Variants in DTNB observed in about 807,000 individuals in gnomAD.
The protein encoded by DTNB is dystrobrevin beta.
DTNB carries 63 observed loss-of-function variants against 90.7 expected under a neutral mutation model. The ratio of observed to expected loss-of-function variants is 0.69; its 90% CI spans 0.57 to 0.86. DTNB has a LOEUF of 0.86. DTNB is among the 40% of genes least tolerant of loss of function. DTNB has a pLI of 0.00. For missense variants in DTNB, 744 were observed against 807.1 expected (o/e 0.92, Z 0.95); for synonymous variants, 277 against 286.7 (o/e 0.97, Z 0.34).
chr2:25,578,857 T>C (rs1191122264), intron 7 of DTNB, among the ~76,000 whole-genome samples: 1 of 152,112 alleles, frequency 6.6e-6, no homozygotes, highest in Non-Finnish European at 1.5e-5. Context: ...ATGAACTTCA[T>C]AGAGCCCAAA....
At chr2:25,415,404 GCCT>G (rs529040209) in intron 16 of DTNB, among the ~76,000 whole-genome samples, 2,294 of 152,024 alleles carry the variant, frequency 0.015, 60 homozygotes, top group African/African-American at 0.05. Flanking sequence ...ATGCTACCAT[GCCT>G]GGCTAATTTT....
intron 12 of DTNB, among the ~76,000 whole-genome samples, chr2:25,449,447 C>A (rs2058938299): frequency 6.6e-6 from 1 of 152,184 alleles, no homozygotes; most frequent in South Asian, 2.1e-4. Context: ...CCGCCAACAA[C>A]AGGGTGAGAT....
intron 9 of DTNB, among the ~76,000 whole-genome samples, chr2:25,516,845 C>T (rs1046456471): frequency 2.0e-5 from 3 of 151,902 alleles, no homozygotes; most frequent in Non-Finnish European, 4.4e-5. Flanking sequence ...AGCCAAAGAC[C>T]GTGCCATTGC....
In DTNB at chr2:25,626,462, A is replaced by G. The variant is rs2074178258; in HGVS notation, c.362+1709T>C. ...GGACTTATGACACTTACACACTCTT[A>G]TTTTTAAAATTCAGATTTCTGCCGG... On this transcript the variant is annotated intron_variant, in intron 4 of 20. Coordinates refer to ENST00000406818, the MANE Select transcript of DTNB (RefSeq NM_021907.5). Among the ~76,000 whole-genome samples the G allele has an allele frequency of 4.6e-5, 7 of 152,256 alleles. 1 individual carries two copies. In the South Asian group the frequency reaches 1.5e-3, roughly 32 times the overall value.
intron 8 of DTNB, among the ~76,000 whole-genome samples, chr2:25,540,110 T>C (rs1350087170): frequency 6.6e-6 from 1 of 152,198 alleles, no homozygotes; most frequent in Non-Finnish European, 1.5e-5. Context: ...TTCTTTAGGG[T>C]TGTGTTCACT....
Position 25,427,559 on chromosome 2 carries a change from C to T in DTNB, c.1530G>A (p.Leu510=). 1.2e-6 allele frequency: 2 copies of T among 1,613,832 alleles called. No individual in the cohort carries two copies. The highest frequency in any genetic ancestry group is 1.7e-6 in the Non-Finnish European group (2 of 1,179,822). The change falls in exon 15 of 21, where the codon CTG becomes CTA. Residue 510 remains leucine (L), a synonymous_variant. Coordinates refer to ENST00000406818, the MANE Select transcript of DTNB (RefSeq NM_021907.5). ...QESRRELMVQ[L]EELMKLLKEE... ...CCTTCAGCAACTTCATCAGCTCTTC[C>T]AGCTGGACCATCAGCTCCCGCCTGC...
intron 10 of DTNB, among the ~76,000 whole-genome samples, chr2:25,478,957 G>C: frequency 6.6e-6 from 1 of 152,236 alleles, no homozygotes; most frequent in East Asian, 1.9e-4. Context: ...GCTCGGAGAA[G>C]GAGGGCCGCC....
intron 1 of DTNB, among the ~76,000 whole-genome samples, chr2:25,654,933 C>G (rs1189558431): frequency 6.6e-6 from 1 of 152,148 alleles, no homozygotes; most frequent in Admixed American, 6.5e-5. Flanking sequence ...TCAGTGTTCC[C>G]TAAGTGTTAG....
At chr2:25,478,189 G>A (rs2064128678) in intron 10 of DTNB, among the ~76,000 whole-genome samples, 1 of 152,096 alleles carries the variant, frequency 6.6e-6, no homozygotes, top group Non-Finnish European at 1.5e-5. Context: ...GTGTGTGTGA[G>A]TGTTTAAAAT....
At chr2:25,664,242 T>C (rs961190003) in intron 1 of DTNB, among the ~76,000 whole-genome samples, 5 of 152,224 alleles carry the variant, frequency 3.3e-5, no homozygotes, top group Non-Finnish European at 7.3e-5. Flanking sequence ...GACAAGTTCA[T>C]AATATAAATA....
chr2:25,446,754 C>T (rs543421049), intron 12 of DTNB, among the ~76,000 whole-genome samples: 14 of 152,164 alleles, frequency 9.2e-5, no homozygotes, highest in African/African-American at 2.2e-4. Context: ...GGACTCATTG[C>T]GATATATTCA....
chr2:25,532,778 A>AT (rs2078502143), intron 8 of DTNB, among the ~76,000 whole-genome samples: 1 of 152,164 alleles, frequency 6.6e-6, no homozygotes, highest in African/African-American at 2.4e-5. Context: ...GTTTATTATC[A>AT]TATGTGCCAC....
chr2:25,469,185 A>G (rs2062332540), intron 10 of DTNB, among the ~76,000 whole-genome samples: 1 of 152,160 alleles, frequency 6.6e-6, no homozygotes, highest in Admixed American at 6.6e-5. Context: ...AGTCCAGGAG[A>G]TCAGAAAAGT....
intron 16 of DTNB, among the ~76,000 whole-genome samples, chr2:25,397,880 A>C (rs1179867932): frequency 1.6e-5 from 1 of 64,062 alleles, no homozygotes; most frequent in African/African-American, 1.3e-4. Flanking sequence ...ACTGTCTCAA[A>C]AAAAAAAAAA....
intron 8 of DTNB, among the ~76,000 whole-genome samples, chr2:25,556,561 G>A (rs2057391740): frequency 6.6e-6 from 1 of 152,172 alleles, no homozygotes; most frequent in Non-Finnish European, 1.5e-5. Context: ...TAATTGGGAT[G>A]CAAAGGCTGA....
At chr2:25,529,506 A>C (rs1436385357) in intron 9 of DTNB, among the ~76,000 whole-genome samples, 1 of 148,552 alleles carries the variant, frequency 6.7e-6, no homozygotes, top group Non-Finnish European at 1.5e-5. Flanking sequence ...CAGATTTAAC[A>C]AAAAAAAAAA....
chr2:25,530,772 C>T (rs1044501348), intron 9 of DTNB, among the ~76,000 whole-genome samples: 4 of 152,176 alleles, frequency 2.6e-5, no homozygotes, highest in African/African-American at 9.7e-5. Context: ...AAACTTCTGA[C>T]ACCTGATAAA....
At chr2:25,651,330 T>G (rs540688018) in intron 2 of DTNB, among the ~76,000 whole-genome samples, 4 of 152,316 alleles carry the variant, frequency 2.6e-5, no homozygotes, top group Non-Finnish European at 5.9e-5. Flanking sequence ...AGTCAGGAAG[T>G]GAGGCAGCCA....
At chr2:25,638,993 A>G in intron 3 of DTNB, 21 bp downstream of exon 3, 1 of 1,554,378 alleles carries the variant, frequency 6.4e-7, no homozygotes, top group Non-Finnish European at 8.8e-7. Context: ...GCTATCACAG[A>G]AATGAGTAGA....
Sources: gnomAD v4.1 joint callset for allele counts (sites outside exome capture counted in the v4.1 genomes callset) on GRCh38, gnomAD v4.1.1 for gene constraint, MANE v1.5 for transcripts, NCBI Gene and HGNC (gene_info 2026-07-23, HGNC 2026-07-21) for gene names.